The following GRIN3A variants were observed in gnomAD, a reference collection of about 807,000 sequenced individuals.
GRIN3A encodes the protein glutamate receptor ionotropic, NMDA 3A.
GRIN3A carries 47 observed loss-of-function variants against 92.4 expected under a neutral mutation model. The ratio of observed to expected loss-of-function variants is 0.51; its 90% CI spans 0.40 to 0.65. The LOEUF is 0.65. Ranked by LOEUF, GRIN3A falls within the 30% of genes least tolerant of loss-of-function variation. The probability of loss-of-function intolerance (pLI) is 0.00; values close to 1 mark genes in which losing one functional copy is unlikely to be tolerated. For missense variants in GRIN3A, 1,324 were observed against 1,393.1 expected, an observed-to-expected ratio of 0.95 and a Z score of 0.79; for synonymous variants, 527 against 540.6, an observed-to-expected ratio of 0.97 and a Z score of 0.35.
intron 1 of GRIN3A, among the ~76,000 whole-genome samples, chr9:101,720,708 A>G (rs1367167715): frequency 6.6e-6 from 1 of 152,212 alleles, no homozygotes; most frequent in Non-Finnish European, 1.5e-5. Flanking sequence ...CTTTCCATAT[A>G]GATATATAAT....
intron 6 of GRIN3A, among the ~76,000 whole-genome samples, chr9:101,584,402 A>G (rs12686021): frequency 0.22 from 32,748 of 152,190 alleles, 3,704 homozygotes; most frequent in African/African-American, 0.28. Flanking sequence ...CATAGTTTGT[A>G]TCTGATACTG....
chr9:101,713,230 A>C (rs1040173221), intron 1 of GRIN3A, among the ~76,000 whole-genome samples: 1 of 152,218 alleles, frequency 6.6e-6, no homozygotes, highest in African/African-American at 2.4e-5. Context: ...ATCTCCAAGA[A>C]GAACGTGTTT....
At chr9:101,677,161 A>G (rs1325758147) in intron 2 of GRIN3A, among the ~76,000 whole-genome samples, 2 of 151,872 alleles carry the variant, frequency 1.3e-5, no homozygotes, top group East Asian at 1.9e-4. Context: ...TTTACTATAC[A>G]TAGTTTACAT....
intron 1 of GRIN3A, among the ~76,000 whole-genome samples, chr9:101,716,110 AGTG>A (rs1372289931): frequency 7.2e-6 from 1 of 139,022 alleles, no homozygotes; most frequent in Non-Finnish European, 1.6e-5. Context: ...AACACTAAAG[AGTG>A]GAAGGAAGAG....
intron 6 of GRIN3A, among the ~76,000 whole-genome samples, chr9:101,607,769 A>C (rs185629306): frequency 6.6e-6 from 1 of 152,306 alleles, no homozygotes; most frequent in African/African-American, 2.4e-5. Flanking sequence ...ATGACATTTG[A>C]AGCAAAAGGG....
chr9:101,723,388 C>T (rs1204760306), intron 1 of GRIN3A, among the ~76,000 whole-genome samples: 1 of 151,882 alleles, frequency 6.6e-6, no homozygotes, highest in African/African-American at 2.4e-5. Context: ...CTTGTGGTCT[C>T]GCTGGCTTCA....
chr9:101,612,199 G>A (rs1194072960), intron 6 of GRIN3A, among the ~76,000 whole-genome samples: 2 of 152,190 alleles, frequency 1.3e-5, no homozygotes, highest in African/African-American at 4.8e-5. Context: ...ATGATGGCTT[G>A]GACTCGAGTG....
chr9:101,698,768 A>G lies in GRIN3A; in HGVS notation c.700-11568T>C, dbSNP rs77325969. Among the ~76,000 whole-genome samples the G allele has an allele frequency of 6.4e-4, 98 of 152,196 alleles. 1 individual carries two copies. The East Asian group carries it at 0.018, about 29-fold the overall frequency. On this transcript the variant is annotated intron_variant, in intron 1 of 8. Transcript: ENST00000361820. ...ACTATAACCTCCGGCTCCTGGGTTC[A>G]AGCGATTCTTCTGCCTCAGCCTCCC... is the stretch of plus-strand genomic sequence containing the variant.
chr9:101,688,237 G>A (rs999880689), intron 1 of GRIN3A, among the ~76,000 whole-genome samples: 7 of 152,030 alleles, frequency 4.6e-5, no homozygotes, highest in African/African-American at 9.7e-5. Flanking sequence ...CTGTCCCTAC[G>A]TACCAAAAAA....
At position 101,623,367 on chromosome 9, in the gene GRIN3A, T is replaced by A. The variant is rs1388833143; in HGVS notation, c.2565A>T (p.Ile855=). The part of the protein sequence containing the change: ...DKALLDYEVS[I]DADCKLLTVG... ...CAGTGAGAAGTTTGCAGTCAGCATC[T>A]ATTGACACTTCATAATCCAGAAGGG... Residue 855 remains isoleucine (I), a synonymous_variant, in exon 5 of 9, where the codon ATA becomes ATT. Transcript: ENST00000361820. 1.9e-6 allele frequency: 3 copies of A among 1,613,862 alleles called. No individual in the cohort carries two copies. Among genetic ancestry groups the A allele is most frequent in the Admixed American group, 1.7e-5 (1 of 60,004 alleles).
chr9:101,701,674 G>T (rs1056260387), intron 1 of GRIN3A, among the ~76,000 whole-genome samples: 36 of 152,290 alleles, frequency 2.4e-4, no homozygotes, highest in African/African-American at 7.9e-4. Flanking sequence ...GAAAGCAGTT[G>T]CAACGAAAGC....
intron 3 of GRIN3A, among the ~76,000 whole-genome samples, chr9:101,630,096 A>G (rs1183003926): frequency 1.3e-5 from 2 of 152,184 alleles, no homozygotes; most frequent in African/African-American, 4.8e-5. Flanking sequence ...TGTCTGTCCA[A>G]CATCTATTAA....
chr9:101,715,133 G>A (rs1377526481), intron 1 of GRIN3A, among the ~76,000 whole-genome samples: 1 of 146,004 alleles, frequency 6.8e-6, no homozygotes, highest in Admixed American at 7.0e-5. Context: ...TTCCAGGAAT[G>A]TATGATAAGG....
intron 1 of GRIN3A, among the ~76,000 whole-genome samples, chr9:101,727,370 T>C (rs536464274): frequency 3.2e-4 from 49 of 152,314 alleles, no homozygotes; most frequent in Non-Finnish European, 6.0e-4. Flanking sequence ...TGATTTGGAT[T>C]CTTTGGCATT....
chr9:101,629,228 C>T (rs1157898689), intron 3 of GRIN3A, among the ~76,000 whole-genome samples: 3 of 151,936 alleles, frequency 2.0e-5, no homozygotes, highest in Non-Finnish European at 2.9e-5. Context: ...CAAAACAAAA[C>T]ATGTATACAT....
intron 6 of GRIN3A, among the ~76,000 whole-genome samples, chr9:101,586,807 TCA>T (rs982690502): frequency 5.9e-5 from 9 of 152,282 alleles, no homozygotes; most frequent in African/African-American, 1.7e-4. Context: ...TCAAGGCCAG[TCA>T]ATGTGAATCT....
Position 101,580,718 on chromosome 9 carries a change from T to C in GRIN3A, c.2767-1358A>G, listed in dbSNP as rs549182986. ...GTTGCTTACTTTCTGCCAAGTGTTT[T>C]ACATTAAAATAGATATATAACGTCT... On this transcript the variant is annotated intron_variant, in intron 6 of 8. Transcript: ENST00000361820. Among the ~76,000 whole-genome samples, 14 of 152,338 alleles carry C rather than the reference T, an allele frequency of 9.2e-5. 1 individual carries two copies. In the South Asian group the frequency reaches 2.9e-3, roughly 32 times the overall value.
At chr9:101,645,661 C>G (rs1037169619) in intron 3 of GRIN3A, among the ~76,000 whole-genome samples, 2 of 149,336 alleles carry the variant, frequency 1.3e-5, no homozygotes, top group Admixed American at 1.3e-4. Flanking sequence ...ATTCCAATTT[C>G]TCTGCATCCT....
rs1409883490 is a variant in GRIN3A at position 101,613,541 on chromosome 9, C to A, written c.2615-14G>T. Reference sequence around the variant, plus strand: ...CAATGCCGTATCCTAGAAGAAAATACAATCTCAGATGAGTTTTTTACACCC... The same window carrying A: ...CAATGCCGTATCCTAGAAGAAAATAAAATCTCAGATGAGTTTTTTACACCC... On this transcript the variant is annotated splice_polypyrimidine_tract_variant and intron_variant, in intron 5 of 8. Transcript: ENST00000361820. 1.2e-6 allele frequency: 2 copies of A among 1,613,572 alleles called. No individual in the cohort carries two copies. Among genetic ancestry groups the A allele is most frequent in the Non-Finnish European group, 1.7e-6 (2 of 1,179,754 alleles).
Sources: allele counts gnomAD v4.1 joint callset (sites outside exome capture counted in the v4.1 genomes callset), GRCh38; gene constraint gnomAD v4.1.1; transcripts MANE v1.5; gene names NCBI Gene and HGNC (gene_info 2026-07-23, HGNC 2026-07-21).